Variants in UBAP1 observed in about 807,000 individuals in gnomAD.
The protein encoded by UBAP1 is ubiquitin associated protein 1.
Under a neutral mutation model 39.0 loss-of-function variants are expected in UBAP1, and 5 were observed. That is an observed-to-expected ratio of 0.13 (90% CI 0.07 to 0.27). The LOEUF is 0.27. UBAP1 is among the 10% of genes least tolerant of loss of function. The pLI is 1.00. For missense variants in UBAP1, 490 were observed against 608.1 expected, an observed-to-expected ratio of 0.81 and a Z score of 2.04; for synonymous variants, 211 against 225.1, an observed-to-expected ratio of 0.94 and a Z score of 0.56.
At chr9:34,201,411 G>A (rs1831362450) in intron 1 of UBAP1, 2 of 151,196 alleles carry the variant, frequency 1.3e-5, no homozygotes, top group African/African-American at 4.8e-5. Flanking sequence ...GAGTGTGGTG[G>A]TGTGTGCCTA....
Position 34,234,272 on chromosome 9 carries a change from C to A in UBAP1, c.91C>A (p.Pro31Thr). 1 of 1,613,280 alleles carries A rather than the reference C, an allele frequency of 6.2e-7. No individual in the cohort carries two copies. The highest frequency in any genetic ancestry group is 8.5e-7 in the Non-Finnish European group (1 of 1,179,874). ...PFKTGDKFKTPAKVGLPIGFS... is the reference protein window; with the variant it reads ...PFKTGDKFKTTAKVGLPIGFS... ...TAAGACAGGAGACAAATTCAAAACA[C>A]CAGCTAAAGTTGGTCTACCTATTGG... The change falls in exon 3 of 7, where the codon CCA (proline) becomes ACA (threonine). Residue 31 changes from proline to threonine, a missense_variant. This residue lies in a region of UBAP1 where 144 missense variants were observed against 184.4 expected (regional missense o/e 0.78). Coordinates refer to ENST00000297661, the MANE Select transcript of UBAP1 (RefSeq NM_016525.5).
intron 1 of UBAP1, among the ~76,000 whole-genome samples, chr9:34,184,926 C>CTTTTTT (rs35634769): frequency 1.6e-4 from 17 of 105,108 alleles, no homozygotes; most frequent in Non-Finnish European, 2.5e-4. Context: ...CCAGCCAATC[C>CTTTTTT]TTTTTTTTTT....
chr9:34,187,032 C>T (rs1323315803), intron 1 of UBAP1, among the ~76,000 whole-genome samples: 2 of 152,080 alleles, frequency 1.3e-5, no homozygotes, highest in African/African-American at 4.8e-5. Context: ...CTCAGCCTCC[C>T]GAGTAGCTGG....
At chr9:34,198,210 G>C (rs1433818286) in intron 1 of UBAP1, among the ~76,000 whole-genome samples, 1 of 152,186 alleles carries the variant, frequency 6.6e-6, no homozygotes, top group East Asian at 1.9e-4. Context: ...CTGTACTCTG[G>C]AATTTCCCCG....
At chr9:34,185,350 C>T (rs1404610438) in intron 1 of UBAP1, among the ~76,000 whole-genome samples, 1 of 152,138 alleles carries the variant, frequency 6.6e-6, no homozygotes, top group Non-Finnish European at 1.5e-5. Flanking sequence ...AAGTTCAAGA[C>T]CAGCCTGGAC....
chr9:34,181,116 C>CTTTTTTTTTTTT (rs67856544), intron 1 of UBAP1, among the ~76,000 whole-genome samples: 20 of 72,276 alleles, frequency 2.8e-4, no homozygotes, highest in East Asian at 5.1e-4. Context: ...GGCCTGTTTT[C>CTTTTTTTTTTTT]TTTTTTTTTT....
At chr9:34,219,439 G>T (rs971361168) in intron 1 of UBAP1, among the ~76,000 whole-genome samples, 6 of 152,008 alleles carry the variant, frequency 3.9e-5, no homozygotes, top group African/African-American at 1.5e-4. Flanking sequence ...CAAATTAATA[G>T]ATGTTACCAT....
rs762914534 is a variant in UBAP1 at position 34,182,595 on chromosome 9, T to C, written c.-8+3355T>C. On this transcript the variant is annotated intron_variant, in intron 1 of 6. Coordinates refer to ENST00000297661, the MANE Select transcript of UBAP1 (RefSeq NM_016525.5). ...CCAATATTACAAGCTTTTCGTGTTC[T>C]TTTTTCTTTTTCTTTCTTTCCTTCT... 3.4e-4 allele frequency among the ~76,000 whole-genome samples: 51 copies of C among 151,796 alleles called. 1 individual carries two copies. The highest frequency in any genetic ancestry group is 2.2e-3 in the Admixed American group (34 of 15,194).
chr9:34,182,289 A>G (rs899508751), intron 1 of UBAP1, among the ~76,000 whole-genome samples: 6 of 150,526 alleles, frequency 4.0e-5, no homozygotes, highest in African/African-American at 1.5e-4. Flanking sequence ...GGTTCAAGTG[A>G]TTCTCCTGCC....
chr9:34,231,774 A>G (rs966986737), intron 2 of UBAP1, among the ~76,000 whole-genome samples: 1 of 151,840 alleles, frequency 6.6e-6, no homozygotes, highest in African/African-American at 2.4e-5. Flanking sequence ...CCTCCCCAGT[A>G]GCTGGGACTA....
chr9:34,236,102 C>T (rs761334570), intron 3 of UBAP1, among the ~76,000 whole-genome samples: 5 of 151,550 alleles, frequency 3.3e-5, no homozygotes, highest in Non-Finnish European at 7.4e-5. Flanking sequence ...TCAGTTGATC[C>T]GCCCACCTCG....
At chr9:34,192,874 A>C (rs904803159) in intron 1 of UBAP1, among the ~76,000 whole-genome samples, 2 of 150,244 alleles carry the variant, frequency 1.3e-5, no homozygotes, top group African/African-American at 2.4e-5. Context: ...TTTATATAAA[A>C]ATATTAGTTC....
At chr9:34,233,617 A>G (rs900935574) in intron 2 of UBAP1, among the ~76,000 whole-genome samples, 5 of 152,166 alleles carry the variant, frequency 3.3e-5, no homozygotes, top group African/African-American at 9.6e-5. Context: ...TACTTGCCCT[A>G]TATTTCTTTG....
At chr9:34,185,228 T>G (rs1830334761) in intron 1 of UBAP1, among the ~76,000 whole-genome samples, 1 of 152,156 alleles carries the variant, frequency 6.6e-6, no homozygotes, top group Admixed American at 6.5e-5. Context: ...GCCACTGCAC[T>G]CGGCCCTGTT....
intron 1 of UBAP1, among the ~76,000 whole-genome samples, chr9:34,189,563 C>T (rs1027061353): frequency 6.6e-6 from 1 of 152,100 alleles, no homozygotes; most frequent in Non-Finnish European, 1.5e-5. Context: ...GTCAAATGGT[C>T]AGCCAAATTA....
chr9:34,187,691 CAG>C (rs1004203765), intron 1 of UBAP1, among the ~76,000 whole-genome samples: 1 of 151,718 alleles, frequency 6.6e-6, no homozygotes, highest in Non-Finnish European at 1.5e-5. Flanking sequence ...GATATGGAAA[CAG>C]AGGAATGTAT....
chr9:34,219,611 C>T (rs1288819134), intron 1 of UBAP1, among the ~76,000 whole-genome samples: 2 of 151,734 alleles, frequency 1.3e-5, no homozygotes, highest in African/African-American at 4.8e-5. Context: ...TTGCCTCATA[C>T]TTATTGGTTC....
intron 1 of UBAP1, among the ~76,000 whole-genome samples, chr9:34,180,351 C>G (rs1829947096): frequency 6.6e-6 from 1 of 151,916 alleles, no homozygotes; most frequent in Non-Finnish European, 1.5e-5. Context: ...CCTTTCTCTA[C>G]TAAAAAGCCA....
At chr9:34,182,677 T>TTCTC (rs1491356200) in intron 1 of UBAP1, among the ~76,000 whole-genome samples, 1 of 71,928 alleles carries the variant, frequency 1.4e-5, no homozygotes, top group South Asian at 5.4e-4. Context: ...CTTTCTTTCT[T>TTCTC]TCTTTCTCTC....
Sources: allele counts gnomAD v4.1 joint callset (sites outside exome capture counted in the v4.1 genomes callset), GRCh38; gene constraint gnomAD v4.1.1; regional missense constraint gnomAD v4.1.1; transcripts MANE v1.5; gene names NCBI Gene and HGNC (gene_info 2026-07-23, HGNC 2026-07-21).